INF2: variants seen among roughly 807,000 people sequenced by gnomAD.
INF2 encodes the protein inverted formin 2.
In INF2, 43 loss-of-function variants were observed where a neutral mutation model predicts 123.5. The observed-to-expected ratio is 0.35, with a 90% CI of 0.27 to 0.45. The LOEUF (loss-of-function observed/expected upper bound fraction) is 0.45. INF2 is among the 20% of genes least tolerant of loss of function. The pLI, the probability that INF2 is intolerant of heterozygous loss-of-function variation, is 1.00. For synonymous variants in INF2, 851 were observed against 745.0 expected (o/e 1.14, Z -2.32); for missense variants, 1,453 against 1,682.7 (o/e 0.86, Z 2.39).
chr14:104,694,728 C>T (rs1460023496), intron 1 of INF2, among the ~76,000 whole-genome samples: 1 of 152,186 alleles, frequency 6.6e-6, no homozygotes, highest in Non-Finnish European at 1.5e-5. Flanking sequence ...TGCGCAGGCT[C>T]AGCCTCTCCC....
chr14:104,707,201 C>G (rs1185656275), intron 7 of INF2, 52 bp from the exon 8 acceptor site: 10 of 1,556,756 alleles, frequency 6.4e-6, no homozygotes, highest in Non-Finnish European at 7.8e-6. Context: ...AAGCCCCCAT[C>G]CCTCCCTCTC....
chr14:104,711,206 G>A lies in INF2; in HGVS notation c.2418+20G>A, dbSNP rs1470076316. 1.9e-6 allele frequency: 3 copies of A among 1,540,334 alleles called. No homozygotes were observed. In the Admixed American group the frequency reaches 5.9e-5, roughly 30 times the overall value. ...CTGGAGGTGGGCCGTGGTGGCGGGG[G>A]CATAATGGGAGGGCTTCAAGTCCCC... On this transcript the variant is annotated intron_variant, in intron 15 of 22. Transcript: ENST00000392634.
chr14:104,706,987 C>G lies in INF2; in HGVS notation c.921C>G (p.Ser307=). ...TGCACCTGGAGCCCACCCTCCGCTC[C>G]AGCCAGCTGCTCTGGGAGGCCCTGG... ...GLLHLEPTLR[S]SQLLWEALES... Residue 307 remains serine, a synonymous_variant, in exon 7 of 23, where the codon TCC becomes TCG. Coordinates refer to ENST00000392634, the MANE Select transcript of INF2 (RefSeq NM_022489.4). The G allele has an allele frequency of 2.5e-6, 4 of 1,599,150 alleles. No individual in the cohort carries two copies. The highest frequency in any genetic ancestry group is 2.5e-6 in the Non-Finnish European group (3 of 1,178,710).
At chr14:104,692,620 A>C (rs932196889) in intron 1 of INF2, among the ~76,000 whole-genome samples, 1 of 152,146 alleles carries the variant, frequency 6.6e-6, no homozygotes, top group Non-Finnish European at 1.5e-5. Flanking sequence ...CCCGCCCTCC[A>C]GGCAACCACC....
At chr14:104,710,778 A>G in intron 13 of INF2, 159 bp from the exon 14 acceptor site, 1 of 638,750 alleles carries the variant, frequency 1.6e-6, no homozygotes, top group Non-Finnish European at 2.7e-6. Context: ...GAGGGTTTGC[A>G]GCCCCCAGGC....
rs750014286 is a variant in INF2 at position 104,703,948 on chromosome 14, C to T, written c.700C>T (p.Arg234Ter). 5.0e-6 allele frequency: 8 copies of T among 1,610,038 alleles called. No individual in the cohort carries two copies. Among genetic ancestry groups the T allele is most frequent in the South Asian group, 1.1e-5 (1 of 91,076 alleles). The change falls in exon 5 of 23, where the codon CGA becomes TGA. Residue 234 changes from arginine (R) to a stop codon, truncating the protein, a stop_gained and splice_region_variant. Coordinates refer to ENST00000392634, the MANE Select transcript of INF2 (RefSeq NM_022489.4). LOFTEE classifies it high-confidence loss of function. ...GCTGCTGGACGTCCTGGCTCGCCTGCGGTGAGTCCCCACTGTAGCGGTCCT... is the reference window on the plus strand; with the variant it reads ...GCTGCTGGACGTCCTGGCTCGCCTGTGGTGAGTCCCCACTGTAGCGGTCCT... Reference protein sequence around the residue: ...LQLLDVLARLRDLEDADLLIQ... With the variant: ...LQLLDVLARL
At chr14:104,687,327 A>C (rs1255291200), upstream of INF2, among the ~76,000 whole-genome samples, 1 of 151,988 alleles carries the variant, frequency 6.6e-6, no homozygotes, top group Admixed American at 6.5e-5. The surrounding 1 kb of genome is among the most constrained non-coding windows in gnomAD (Gnocchi z 5.6). Context: ...GGGCCTCTGT[A>C]TGTCTCAGAA....
rs368402828 is a variant in INF2 at position 104,684,218 on chromosome 14, C to T, written c.-104+2636C>T. ...ACTCCCACCAGACAACTGAGGCAAC[C>T]GAGAAGGAGGCTGGGGAGGGACAGC... On this transcript the variant is annotated intron_variant, in intron 1 of 2. Coordinates refer to the INF2 transcript ENST00000674723. The surrounding 1 kb of genome is among the most constrained non-coding windows in gnomAD (Gnocchi z 5.0). 1.1e-5 allele frequency: 5 copies of T among 444,690 alleles called. No individual in the cohort carries two copies. Among genetic ancestry groups the T allele is most frequent in the African/African-American group, 4.0e-5 (2 of 49,846 alleles). 27.5% of individuals were successfully genotyped at this position (444,690 alleles called of 1,614,324 possible).
In INF2 at chr14:104,684,361, C is replaced by G; in HGVS notation, c.-104+2779C>G. On this transcript the variant is annotated intron_variant, in intron 1 of 2. Transcript: ENST00000674723. This position sits in a 1 kb window ranked among gnomAD's most constrained non-coding sequence, Gnocchi z 5.0. ...CCCACCAGCTCTGCCAGCACCCGGC[C>G]TCTGCACCTCAGCTTTCAGCGGATA... 3.2e-6 allele frequency: 1 copy of G among 311,010 alleles called. No homozygotes were observed. The highest frequency in any genetic ancestry group is 6.4e-6 in the Non-Finnish European group (1 of 157,262). The allele number at this position is 311,010 out of a possible 1,614,324, so 19.3% of individuals were successfully genotyped here.
Position 104,684,062 on chromosome 14 carries a change from G to A in INF2, c.-104+2480G>A, listed in dbSNP as rs1430773570. The A allele has an allele frequency of 8.8e-6, 4 of 455,908 alleles. No homozygotes were observed. The highest frequency in any genetic ancestry group is 1.8e-5 in the Non-Finnish European group (4 of 226,774). 28.2% of individuals were successfully genotyped at this position (455,908 alleles called of 1,614,324 possible). On this transcript the variant is annotated intron_variant, in intron 1 of 2. Coordinates refer to the INF2 transcript ENST00000674723. This position sits in a 1 kb window ranked among gnomAD's most constrained non-coding sequence, Gnocchi z 5.0. ...GGCCCAGTGTCTTCTCACCTCGTTAGGTGGAGAACCCCTTCTTTAAGCAAA... is the reference window on the plus strand; with the variant it reads ...GGCCCAGTGTCTTCTCACCTCGTTAAGTGGAGAACCCCTTCTTTAAGCAAA...
intron 4 of INF2, 145 bp downstream of exon 4, chr14:104,703,599 C>T (rs2140650029): frequency 9.0e-7 from 1 of 1,116,280 alleles, no homozygotes; most frequent in Non-Finnish European, 1.3e-6. Context: ...CTCGGGCCTG[C>T]CACCACCTGC....
At chr14:104,707,213 G>T in intron 7 of INF2, 40 bp from the exon 8 acceptor site, 1 of 1,574,368 alleles carries the variant, frequency 6.4e-7, no homozygotes, top group East Asian at 2.3e-5. Flanking sequence ...CTCCCTCTCC[G>T]GCTCCCTTCT....
At chr14:104,692,084 G>C (rs1331536144) in intron 1 of INF2, among the ~76,000 whole-genome samples, 1 of 152,018 alleles carries the variant, frequency 6.6e-6, no homozygotes, top group Non-Finnish European at 1.5e-5. Flanking sequence ...GTCAGTCCCC[G>C]AGGGCCAGCC....
chr14:104,717,301 C>G (rs533860221), intron 22 of INF2, among the ~76,000 whole-genome samples: 1 of 143,204 alleles, frequency 7.0e-6, no homozygotes, highest in Non-Finnish European at 1.5e-5. Flanking sequence ...CCAGTCCCCC[C>G]CCCGGGCAGG....
At chr14:104,716,219 C>T (rs1486013883) in intron 22 of INF2, among the ~76,000 whole-genome samples, 2 of 152,300 alleles carry the variant, frequency 1.3e-5, no homozygotes, top group African/African-American at 2.4e-5. Context: ...ATATGCTGAC[C>T]GCTGGGCCTG....
intron 22 of INF2, among the ~76,000 whole-genome samples, chr14:104,716,240 T>C (rs1318940237): frequency 6.6e-6 from 1 of 152,160 alleles, no homozygotes; most frequent in Non-Finnish European, 1.5e-5. Flanking sequence ...GGGCTTAGGC[T>C]CAAGGTGCAC....
chr14:104,715,755 C>T, intron 22 of INF2: 1 of 497,466 alleles, frequency 2.0e-6, no homozygotes, highest in Admixed American at 2.3e-5. Context: ...TGTGGCTTTC[C>T]TGCTCTGTCT....
At position 104,714,793 on chromosome 14, in the gene INF2, C is replaced by T. The variant is rs374049468; in HGVS notation, c.3631C>T (p.Arg1211Trp). The T allele has an allele frequency of 2.6e-5, 41 of 1,596,276 alleles. No homozygotes were observed. The highest frequency in any genetic ancestry group is 2.1e-4 in the Admixed American group (12 of 55,970). Residue 1211 changes from arginine to tryptophan, a missense_variant, in exon 21 of 23, where the codon CGG (arginine) becomes TGG (tryptophan). Arg to Trp is a moderately radical substitution (Grantham distance 101). Transcript: ENST00000392634. Reference sequence around the variant, plus strand: ...GGGGTCGGGCACACTCCCCAGGGCCCGGGGCCGGGCCTCAAAGGGGACCGG... The same window carrying T: ...GGGGTCGGGCACACTCCCCAGGGCCTGGGGCCGGGCCTCAAAGGGGACCGG... ...SSGSGTLPRA[R>W]GRASKGTGKR...
intron 20 of INF2, 48 bp downstream of exon 20, chr14:104,713,654 C>T (rs1890158705): frequency 6.3e-7 from 1 of 1,583,372 alleles, no homozygotes; most frequent in Non-Finnish European, 8.6e-7. Flanking sequence ...GCCACTGTCC[C>T]TACCCTGTGC....
Sources: gnomAD v4.1 joint callset for allele counts (sites outside exome capture counted in the v4.1 genomes callset) on GRCh38, gnomAD v4.1.1 for gene constraint, Gnocchi (gnomAD v3.1) non-coding constraint, MANE v1.5 for transcripts, NCBI Gene and HGNC (gene_info 2026-07-23, HGNC 2026-07-21) for gene names.